The following TNS2 variants were observed in gnomAD, a reference collection of about 807,000 sequenced individuals.
The protein encoded by TNS2 is tensin-2.
Under a neutral mutation model 155.7 loss-of-function variants are expected in TNS2, and 77 were observed. That is an observed-to-expected ratio of 0.49 (90% confidence interval 0.41 to 0.60). TNS2 has a LOEUF of 0.60. TNS2 is among the 20% of genes least tolerant of loss of function. TNS2 has a pLI of 0.00. For synonymous variants in TNS2, 726 were observed against 763.9 expected (o/e 0.95, Z 0.82); for missense variants, 1,703 against 1,868.8 (o/e 0.91, Z 1.64).
At chr12:53,049,339 T>G, upstream of TNS2, 2 of 1,066,674 alleles carry the variant, frequency 1.9e-6, no homozygotes, top group Non-Finnish European at 2.7e-6. Flanking sequence ...GGGCTAGGGA[T>G]CTGTGAGATC....
At chr12:53,057,543 TCTC>T in intron 11 of TNS2, 21 bp from the exon 12 acceptor site, 3 of 1,575,400 alleles carry the variant, frequency 1.9e-6, no homozygotes, top group Non-Finnish European at 2.6e-6. Context: ...AGGCTTATGT[TCTC>T]CTTGACACGC....
In TNS2 at chr12:53,060,578, C is replaced by G; in HGVS notation, c.2768+23C>G. On this transcript the variant is annotated intron_variant, in intron 19 of 28. Coordinates refer to ENST00000314250, the MANE Select transcript of TNS2 (RefSeq NM_170754.4). This position sits in a 1 kb window ranked among gnomAD's most constrained non-coding sequence, Gnocchi z 6.1. ...AAGGTATGCAGAGGGGCCGGGGATG[C>G]TCGAGTGCTTTCTTGTCCAAGCAGT... 6.2e-7 allele frequency: 1 copy of G among 1,608,122 alleles called. No homozygotes were observed. Among genetic ancestry groups the G allele is most frequent in the Non-Finnish European group, 8.5e-7 (1 of 1,176,716 alleles).
chr12:53,049,130 G>A, upstream of TNS2: 1 of 1,541,432 alleles, frequency 6.5e-7, no homozygotes, highest in Non-Finnish European at 8.7e-7. Context: ...TCCCAGGAGG[G>A]AGGCCGGAGG....
In TNS2 at chr12:53,054,367, G is replaced by A. The variant is rs997442621; in HGVS notation, c.448G>A (p.Asp150Asn). 46 of 1,612,394 alleles carry A rather than the reference G, an allele frequency of 2.9e-5. No homozygotes were observed. The highest frequency in any genetic ancestry group is 3.6e-5 in the Non-Finnish European group (42 of 1,179,758). Residue 150 changes from aspartate (D) to asparagine (N), a missense_variant, in exon 7 of 29, where the codon GAT becomes AAT. Coordinates refer to ENST00000314250, the MANE Select transcript of TNS2 (RefSeq NM_170754.4). The stretch of plus-strand genomic sequence containing the variant: ...GGCCGCCGCCTTCCCCGCGCGGCCC[G>A]ATGAACAGCGGCACCGGGGCCACCT... Reference protein sequence around the residue: ...ILAAAFPARPDEQRHRGHLRE... With the variant: ...ILAAAFPARPNEQRHRGHLRE...
Position 53,063,530 on chromosome 12 carries a change from G to A in TNS2, c.4062-33G>A. 6.2e-7 allele frequency: 1 copy of A among 1,613,532 alleles called. No individual in the cohort carries two copies. The highest frequency in any genetic ancestry group is 8.5e-7 in the Non-Finnish European group (1 of 1,179,842). On this transcript the variant is annotated intron_variant, in intron 27 of 28. Transcript: ENST00000314250. The surrounding 1 kb of genome is among the most constrained non-coding windows in gnomAD (Gnocchi z 5.6). Reference sequence around the variant, plus strand: ...CCCCCCTTCAGCAGCTGTCCCCTGGGGTGTGCATCTTCACCTTCTTCTCCT... The same window carrying A: ...CCCCCCTTCAGCAGCTGTCCCCTGGAGTGTGCATCTTCACCTTCTTCTCCT...
rs374077358 is a variant in TNS2 at position 53,057,068 on chromosome 12, G to A, written c.817G>A (p.Ala273Thr). The change falls in exon 11 of 29, where the codon GCC (alanine) becomes ACC (threonine). Residue 273 changes from alanine to threonine, a missense_variant. By Grantham distance (58) the Ala-to-Thr change is moderately conservative. Coordinates refer to ENST00000314250, the MANE Select transcript of TNS2 (RefSeq NM_170754.4). ...GCGGAAATTCTGCGAGGACAAGGTG[G>A]CCACAGAACTGCAGCCCTCCCAGCG... ...TMRKFCEDKVATELQPSQRRY... is the reference protein window; with the variant it reads ...TMRKFCEDKVTTELQPSQRRY... The A allele has an allele frequency of 8.1e-6, 13 of 1,613,648 alleles. No individual in the cohort carries two copies. The Admixed American group carries it at 1.0e-4, about 12-fold the overall frequency.
At chr12:53,054,981 A>G (rs976188844) in intron 7 of TNS2, among the ~76,000 whole-genome samples, 4 of 150,740 alleles carry the variant, frequency 2.7e-5, no homozygotes, top group Non-Finnish European at 1.5e-5. Context: ...ATGAGGTTTC[A>G]CCATGTTGGC....
chr12:53,054,115 C>A, intron 6 of TNS2, 101 bp downstream of exon 6: 2 of 1,577,056 alleles, frequency 1.3e-6, no homozygotes, highest in East Asian at 4.5e-5. Flanking sequence ...CGGGACAGCC[C>A]CCCACCCCCA....
chr12:53,053,586 G>T, intron 4 of TNS2, 137 bp downstream of exon 4: 1 of 1,384,874 alleles, frequency 7.2e-7, no homozygotes, highest in Non-Finnish European at 9.9e-7. Flanking sequence ...TATGAGGAAA[G>T]AAAAAACTGT....
At chr12:53,053,306 C>G (rs1944009503) in intron 3 of TNS2, 105 bp from the exon 4 acceptor site, 3 of 1,345,584 alleles carry the variant, frequency 2.2e-6, no homozygotes, top group Non-Finnish European at 3.2e-6. Flanking sequence ...TGCCCATCCA[C>G]TGAAGGCCCC....
At chr12:53,061,996 G>A in intron 22 of TNS2, 56 bp downstream of exon 22, 2 of 1,609,778 alleles carry the variant, frequency 1.2e-6, no homozygotes, top group Non-Finnish European at 1.7e-6. Flanking sequence ...TGGTGCCAGA[G>A]GCAAGGTAAC....
Position 53,058,764 on chromosome 12 carries a change from G to A in TNS2, c.1342G>A (p.Glu448Lys). 3.1e-6 allele frequency: 5 copies of A among 1,613,940 alleles called. No homozygotes were observed. Among genetic ancestry groups the A allele is most frequent in the Non-Finnish European group, 4.2e-6 (5 of 1,179,990 alleles). Residue 448 changes from glutamate (E) to lysine (K), a missense_variant, in exon 17 of 29, where the codon GAG (glutamate) becomes AAG (lysine). Physicochemically the swap from Glu to Lys is moderately conservative, Grantham distance 56. Transcript: ENST00000314250. ...GGTCTCTGTCGACTACAACACCACT[G>A]AGCCAGCCGTGCGCTGGGACTCCTA... The part of the protein sequence containing the change: ...PSVSVDYNTT[E>K]PAVRWDSYEN...
At position 53,059,775 on chromosome 12, in the gene TNS2, G is replaced by C; in HGVS notation, c.2134G>C (p.Glu712Gln). Residue 712 changes from glutamate to glutamine, a missense_variant, in exon 18 of 29, where the codon GAG becomes CAG. Coordinates refer to ENST00000314250, the MANE Select transcript of TNS2 (RefSeq NM_170754.4). This position sits in a 1 kb window ranked among gnomAD's most constrained non-coding sequence, Gnocchi z 4.7. ...AALYGLRLEREAGEGWASEAG... is the reference protein window; with the variant it reads ...AALYGLRLERQAGEGWASEAG... ...CTTGTATGGACTGCGGCTGGAGAGG[G>C]AGGCTGGAGAAGGGTGGGCAAGTGA... is the stretch of plus-strand genomic sequence containing the variant. 1 of 1,612,474 alleles carries C rather than the reference G, an allele frequency of 6.2e-7. No individual in the cohort carries two copies. The highest frequency in any genetic ancestry group is 1.3e-5 in the African/African-American group (1 of 75,030).
intron 9 of TNS2, 37 bp downstream of exon 9, chr12:53,055,727 T>C: frequency 1.2e-6 from 2 of 1,614,166 alleles, no homozygotes; most frequent in Non-Finnish European, 1.7e-6. Flanking sequence ...TGCCTGGAGG[T>C]TCCAGGTCAG....
chr12:53,063,789 T>C lies in TNS2; in HGVS notation c.4137T>C (p.Asn1379=). The C allele has an allele frequency of 6.2e-7, 1 of 1,614,154 alleles. No individual in the cohort carries two copies. The highest frequency in any genetic ancestry group is 8.5e-7 in the Non-Finnish European group (1 of 1,180,026). ...AGAAGCCGGGAAGCCCCTGGGAGAATGTGTGTCACCTCTTTGCAGAGCTTG... is the reference window on the plus strand; with the variant it reads ...AGAAGCCGGGAAGCCCCTGGGAGAACGTGTGTCACCTCTTTGCAGAGCTTG... The part of the protein sequence containing the change: ...VAKKPGSPWE[N]VCHLFAELDP... The change falls in exon 29 of 29, where the codon AAT becomes AAC. Residue 1379 remains asparagine, a synonymous_variant. Transcript: ENST00000314250. This position sits in a 1 kb window ranked among gnomAD's most constrained non-coding sequence, Gnocchi z 5.6.
upstream of TNS2, among the ~76,000 whole-genome samples, chr12:53,047,298 G>C (rs1200022662): frequency 1.4e-5 from 2 of 146,044 alleles, no homozygotes; most frequent in South Asian, 4.2e-4. Flanking sequence ...GCACGGGCGG[G>C]ATGGGCTGGC....
rs201912170 is a variant in TNS2, at chr12:53,060,516, C to G, written c.2729C>G (p.Thr910Arg). Residue 910 changes from threonine to arginine, a missense_variant, in exon 19 of 29, where the codon ACG becomes AGG. By Grantham distance (71) the Thr-to-Arg change is moderately conservative. Transcript: ENST00000314250. The surrounding 1 kb of genome is among the most constrained non-coding windows in gnomAD (Gnocchi z 6.1). ...SASSELSGPS[T>R]PLHTSSPVQG... is the part of the protein sequence containing the mutation. ...TCGTCAGAGTTGTCTGGTCCCTCCA[C>G]GCCCCTGCACACCAGCAGTCCAGTC... 6.2e-7 allele frequency: 1 copy of G among 1,613,844 alleles called. No individual in the cohort carries two copies. Among genetic ancestry groups the G allele is most frequent in the South Asian group, 1.1e-5 (1 of 91,082 alleles).
rs756142603 is a variant in TNS2, at chr12:53,058,843, G to A, written c.1405+16G>A. ...AGTGTGGATGGTGCGCAGGCAGCCT[G>A]CAGGGTGGGAGGTACAGGGTTGTGG... On this transcript the variant is annotated intron_variant, in intron 17 of 28. Transcript: ENST00000314250. The A allele has an allele frequency of 1.2e-6, 2 of 1,611,676 alleles. No individual in the cohort carries two copies. Among genetic ancestry groups the A allele is most frequent in the South Asian group, 2.2e-5 (2 of 91,042 alleles).
chr12:53,060,039 C>T lies in TNS2; in HGVS notation c.2398C>T (p.Pro800Ser). ...TGGAGGAGCAGTTCCCAGTTACTGC[C>T]CAGCATATGGCCGTGTGCCTCATAG... ...SYGGAVPSYC[P>S]AYGRVPHSCG... Residue 800 changes from proline to serine, a missense_variant, in exon 18 of 29, where the codon CCA (proline) becomes TCA (serine). Physicochemically the swap from Pro to Ser is moderately conservative, Grantham distance 74. Transcript: ENST00000314250. The surrounding 1 kb of genome is among the most constrained non-coding windows in gnomAD (Gnocchi z 6.1). The T allele has an allele frequency of 6.2e-7, 1 of 1,613,560 alleles. No individual in the cohort carries two copies. Among genetic ancestry groups the T allele is most frequent in the East Asian group, 2.2e-5 (1 of 44,880 alleles).
Sources: gnomAD v4.1 joint callset for allele counts (sites outside exome capture counted in the v4.1 genomes callset) on GRCh38, gnomAD v4.1.1 for gene constraint, Gnocchi (gnomAD v3.1) non-coding constraint, MANE v1.5 for transcripts, NCBI Gene and HGNC (gene_info 2026-07-23, HGNC 2026-07-21) for gene names.